The following GRIP1 variants were observed in gnomAD, a reference collection of about 807,000 sequenced individuals.
GRIP1 encodes the protein glutamate receptor interacting protein 1.
Under a neutral mutation model 129.9 loss-of-function variants are expected in GRIP1, and 45 were observed. The ratio of observed to expected loss-of-function variants is 0.35; its 90% CI spans 0.27 to 0.44. The LOEUF (loss-of-function observed/expected upper bound fraction) is 0.44, where lower values mean the gene tolerates loss of function less well. GRIP1 is among the 20% of genes least tolerant of loss of function. GRIP1 has a pLI of 1.00. For synonymous variants in GRIP1, 530 were observed against 520.8 expected, an observed-to-expected ratio of 1.02 and a Z score of -0.24; for missense variants, 1,196 against 1,396.8, an observed-to-expected ratio of 0.86 and a Z score of 2.29.
At chr12:66,718,680 A>G (rs2035966565) in intron 1 of GRIP1, among the ~76,000 whole-genome samples, 1 of 151,956 alleles carries the variant, frequency 6.6e-6, no homozygotes, top group African/African-American at 2.4e-5. Context: ...GTGAAACCCC[A>G]TCTCTACTAA....
chr12:66,914,927 C>A (rs1293146857), intron 1 of GRIP1, among the ~76,000 whole-genome samples: 1 of 152,090 alleles, frequency 6.6e-6, no homozygotes. Flanking sequence ...GAGTTTGAGT[C>A]CAGCATGGGC....
At chr12:66,389,348 C>G (rs1250889233) in intron 19 of GRIP1, among the ~76,000 whole-genome samples, 1 of 152,170 alleles carries the variant, frequency 6.6e-6, no homozygotes, top group Admixed American at 6.5e-5. Context: ...CTGCCTCAGC[C>G]TCCCGAGTAG....
intron 1 of GRIP1, among the ~76,000 whole-genome samples, chr12:66,676,133 T>TA (rs1226192746): frequency 3.9e-5 from 6 of 152,200 alleles, no homozygotes; most frequent in Non-Finnish European, 7.3e-5. Context: ...ATATTCATTT[T>TA]AAAAATGCTT....
intron 1 of GRIP1, among the ~76,000 whole-genome samples, chr12:67,050,285 G>T (rs753328282): frequency 9.1e-4 from 138 of 151,990 alleles, no homozygotes; most frequent in Admixed American, 1.8e-3. Context: ...GCCCTAAGGG[G>T]ATTCTTCATT....
chr12:66,418,429 T>C (rs973960346), intron 15 of GRIP1, among the ~76,000 whole-genome samples: 1 of 151,522 alleles, frequency 6.6e-6, no homozygotes, highest in Non-Finnish European at 1.5e-5. Flanking sequence ...CTAAGCAAAA[T>C]GGACAAATGG....
At chr12:66,796,348 CA>C (rs1421273248) in intron 1 of GRIP1, among the ~76,000 whole-genome samples, 1 of 151,408 alleles carries the variant, frequency 6.6e-6, no homozygotes, top group African/African-American at 2.4e-5. Context: ...ACTGATTTAA[CA>C]AATGAATGTC....
intron 16 of GRIP1, among the ~76,000 whole-genome samples, chr12:66,405,978 TA>T (rs1480036936): frequency 6.6e-6 from 1 of 152,168 alleles, no homozygotes; most frequent in African/African-American, 2.4e-5. Context: ...TGAATACCAA[TA>T]AAAACTAGAA....
At chr12:66,799,163 G>C (rs1231920246) in intron 1 of GRIP1, among the ~76,000 whole-genome samples, 1 of 151,822 alleles carries the variant, frequency 6.6e-6, no homozygotes, top group Non-Finnish European at 1.5e-5. Context: ...TTCAACTTTA[G>C]TATTTCTTTA....
In GRIP1 at chr12:66,478,292, G is replaced by C. The variant is rs778604069; in HGVS notation, c.725-12870C>G. On this transcript the variant is annotated intron_variant, in intron 7 of 24. Coordinates refer to ENST00000359742, the MANE Select transcript of GRIP1 (RefSeq NM_001366722.1). Reference sequence around the variant, plus strand: ...ACATGAAAAAATGCTCATCATCACTGGCCATCAGAGAAATGCAATTCAAAA... The same window carrying C: ...ACATGAAAAAATGCTCATCATCACTCGCCATCAGAGAAATGCAATTCAAAA... Among the ~76,000 whole-genome samples, 151 of 152,154 alleles carry C rather than the reference G, an allele frequency of 9.9e-4. 1 individual carries two copies. The highest frequency in any genetic ancestry group is 1.9e-3 in the Non-Finnish European group (127 of 68,036).
intron 7 of GRIP1, among the ~76,000 whole-genome samples, chr12:66,475,369 C>T (rs1211383428): frequency 1.3e-5 from 2 of 151,934 alleles, no homozygotes; most frequent in African/African-American, 4.9e-5. Flanking sequence ...GACTCCCACA[C>T]AATAATAGTG....
Position 67,033,595 on chromosome 12 carries a change from G to T in GRIP1, c.58+35455C>A, listed in dbSNP as rs192475610. 7.8e-4 allele frequency among the ~76,000 whole-genome samples: 119 copies of T among 152,140 alleles called. 1 individual carries two copies. Among genetic ancestry groups the T allele is most frequent in the African/African-American group, 2.8e-3 (118 of 41,540 alleles). ...CTTCACTCTCCAAATGACGAAACTG[G>T]AGTCTAAAACAAGACTGAAAACTGG... On this transcript the variant is annotated intron_variant, in intron 1 of 1. Transcript: ENST00000643019.
intron 7 of GRIP1, among the ~76,000 whole-genome samples, chr12:66,499,775 G>A (rs1279481221): frequency 1.3e-5 from 2 of 152,152 alleles, no homozygotes; most frequent in East Asian, 1.9e-4. Flanking sequence ...AGGTCAAGGC[G>A]AGAAGATCAC....
chr12:66,992,931 G>A (rs2042415326), intron 1 of GRIP1, among the ~76,000 whole-genome samples: 1 of 152,126 alleles, frequency 6.6e-6, no homozygotes, highest in Non-Finnish European at 1.5e-5. Flanking sequence ...TGGGCAACAT[G>A]GTGAAACCCT....
intron 4 of GRIP1, among the ~76,000 whole-genome samples, chr12:66,530,142 A>T (rs1482454018): frequency 2.0e-5 from 3 of 152,222 alleles, no homozygotes; most frequent in Non-Finnish European, 1.5e-5. Context: ...AAACAAAATC[A>T]TAGCTAGCTC....
intron 1 of GRIP1, among the ~76,000 whole-genome samples, chr12:66,962,214 T>C (rs1388728212): frequency 6.6e-6 from 1 of 152,198 alleles, no homozygotes; most frequent in Non-Finnish European, 1.5e-5. Flanking sequence ...CCTATTTCCT[T>C]TAATAATAAG....
chr12:66,440,296 C>T (rs2058436178), intron 13 of GRIP1, among the ~76,000 whole-genome samples: 1 of 152,202 alleles, frequency 6.6e-6, no homozygotes, highest in South Asian at 2.1e-4. Flanking sequence ...CCAGTACCCA[C>T]ACTTTGGGTT....
intron 7 of GRIP1, among the ~76,000 whole-genome samples, chr12:66,504,624 G>A (rs1381502257): frequency 1.3e-5 from 2 of 152,034 alleles, no homozygotes; most frequent in African/African-American, 2.4e-5. Context: ...TCTCAATGCA[G>A]TATTTCAGAT....
chr12:66,714,719 T>C (rs1216337309), intron 1 of GRIP1, among the ~76,000 whole-genome samples: 1 of 152,086 alleles, frequency 6.6e-6, no homozygotes, highest in African/African-American at 2.4e-5. Flanking sequence ...CTTATTATGA[T>C]GACCTCTTCA....
At chr12:66,417,290 C>A (rs1212003148) in intron 15 of GRIP1, among the ~76,000 whole-genome samples, 1 of 151,912 alleles carries the variant, frequency 6.6e-6, no homozygotes, top group East Asian at 1.9e-4. Context: ...AGAAATATAC[C>A]TCAACATAAT....
Sources: allele counts gnomAD v4.1 joint callset (sites outside exome capture counted in the v4.1 genomes callset), GRCh38; gene constraint gnomAD v4.1.1; transcripts MANE v1.5; gene names NCBI Gene and HGNC (gene_info 2026-07-23, HGNC 2026-07-21).